Variants in TMEM45B observed in about 807,000 individuals in gnomAD.
TMEM45B encodes the protein transmembrane protein 45B.
A neutral mutation model predicts 27.3 loss-of-function variants in TMEM45B; 29 were observed. That is an observed-to-expected ratio of 1.06 (90% CI 0.79 to 1.45). The LOEUF (loss-of-function observed/expected upper bound fraction) is 1.45. TMEM45B is among the 40% of genes most tolerant of loss of function. The probability of loss-of-function intolerance (pLI) is 0.00; values close to 1 mark genes in which losing one functional copy is unlikely to be tolerated. For synonymous variants in TMEM45B, 143 were observed against 134.7 expected, an observed-to-expected ratio of 1.06 and a Z score of -0.43; for missense variants, 348 against 343.9, an observed-to-expected ratio of 1.01 and a Z score of -0.09.
Position 129,857,450 on chromosome 11 carries a change from T to C in TMEM45B, c.708T>C (p.Leu236=). 6.2e-7 allele frequency: 1 copy of C among 1,614,086 alleles called. No homozygotes were observed. The highest frequency in any genetic ancestry group is 1.7e-4 in the Middle Eastern group (1 of 6,058). Residue 236 remains leucine, a synonymous_variant, in exon 5 of 6, where the codon CTT becomes CTC. Transcript: ENST00000281441. ...ALSIVAVNYS[L]VYCLLTRMKR... ...GCATTGTGGCCGTCAACTATTCTCT[T>C]GTTTACTGGTATGTCTGAGACTTCA...
At chr11:129,849,249 G>A (rs186464031) in intron 1 of TMEM45B, among the ~76,000 whole-genome samples, 31 of 152,178 alleles carry the variant, frequency 2.0e-4, no homozygotes, top group Admixed American at 3.3e-4. Context: ...AATGAGTTGC[G>A]TACTTTGATT....
rs576878692 is a variant in TMEM45B, at chr11:129,849,809, G to A, written c.-8-2666G>A. Among the ~76,000 whole-genome samples the A allele has an allele frequency of 5.9e-5, 9 of 152,272 alleles. No individual in the cohort carries two copies. In the South Asian group the frequency reaches 1.2e-3, roughly 21 times the overall value. Reference sequence around the variant, plus strand: ...ATCTCTGAGACCCCGCAGGCGCCTGGGCCCTTCCCCTGAAACTGTTCTGCC... The same window carrying A: ...ATCTCTGAGACCCCGCAGGCGCCTGAGCCCTTCCCCTGAAACTGTTCTGCC... On this transcript the variant is annotated intron_variant, in intron 1 of 5. Transcript: ENST00000281441.
At chr11:129,833,546 G>A (rs1256035053) in intron 1 of TMEM45B, among the ~76,000 whole-genome samples, 4 of 151,538 alleles carry the variant, frequency 2.6e-5, no homozygotes, top group Non-Finnish European at 4.4e-5. Flanking sequence ...AGGCTGAGGC[G>A]GGTGGATCAC....
At position 129,852,482 on chromosome 11, in the gene TMEM45B, G is replaced by A; in HGVS notation, c.-1G>A. 2.5e-6 allele frequency: 4 copies of A among 1,589,126 alleles called. No homozygotes were observed. The highest frequency in any genetic ancestry group is 1.1e-5 in the South Asian group (1 of 89,482). On this transcript the variant is annotated 5_prime_UTR_variant, in exon 2 of 6. Coordinates refer to ENST00000281441, the MANE Select transcript of TMEM45B (RefSeq NM_138788.5). ...CTTCCCCTAATTTTTTAGGTGTCCT[G>A]ATGGCAAATTTCAAGGGCCACGCGC...
At chr11:129,855,982 G>C in intron 4 of TMEM45B, 90 bp downstream of exon 4, 1 of 1,470,146 alleles carries the variant, frequency 6.8e-7, no homozygotes, top group Non-Finnish European at 9.3e-7. Flanking sequence ...AGAATATGGG[G>C]TCTGAAAATG....
intron 1 of TMEM45B, among the ~76,000 whole-genome samples, chr11:129,849,846 A>G (rs1947818939): frequency 6.6e-6 from 1 of 152,072 alleles, no homozygotes; most frequent in Non-Finnish European, 1.5e-5. Flanking sequence ...CAAGGCTCTA[A>G]CCCTCTGGGC....
chr11:129,833,724 G>A lies in TMEM45B; in HGVS notation c.-9+17826G>A, dbSNP rs1220548499. Among the ~76,000 whole-genome samples the A allele has an allele frequency of 5.3e-5, 8 of 152,120 alleles. No individual in the cohort carries two copies. In the East Asian group the frequency reaches 7.7e-4, roughly 15 times the overall value. On this transcript the variant is annotated intron_variant, in intron 1 of 5. Transcript: ENST00000281441. Reference sequence around the variant, plus strand: ...CAGAAGGCGGAGGTTGCAGTGAGCCGAGATTGTGCCACTGCACTCCAGCCT... The same window carrying A: ...CAGAAGGCGGAGGTTGCAGTGAGCCAAGATTGTGCCACTGCACTCCAGCCT...
chr11:129,834,159 G>A (rs1454480476), intron 1 of TMEM45B, among the ~76,000 whole-genome samples: 3 of 152,134 alleles, frequency 2.0e-5, no homozygotes, highest in South Asian at 2.1e-4. Flanking sequence ...AGCCGGGCGC[G>A]GTGGCTCACG....
Position 129,854,780 on chromosome 11 carries a change from G to A in TMEM45B, c.349G>A (p.Asp117Asn). 1 of 1,614,144 alleles carries A rather than the reference G, an allele frequency of 6.2e-7. No homozygotes were observed. The highest frequency in any genetic ancestry group is 1.1e-5 in the South Asian group (1 of 91,080). Residue 117 changes from aspartate (D) to asparagine (N), a missense_variant, in exon 3 of 6, where the codon GAC (aspartate) becomes AAC (asparagine). Physicochemically the swap from Asp to Asn is conservative, Grantham distance 23. Coordinates refer to ENST00000281441, the MANE Select transcript of TMEM45B (RefSeq NM_138788.5). Reference sequence around the variant, plus strand: ...GGTCAGCCACGTTCCCTTGGGGGTGGACAGACTGGTTATGGCTGTGGCAGT... The same window carrying A: ...GGTCAGCCACGTTCCCTTGGGGGTGAACAGACTGGTTATGGCTGTGGCAGT... The part of the protein sequence containing the change: ...YLVSHVPLGV[D>N]RLVMAVAVFM...
At chr11:129,822,671 G>A (rs189733195) in intron 1 of TMEM45B, among the ~76,000 whole-genome samples, 39 of 152,222 alleles carry the variant, frequency 2.6e-4, no homozygotes, top group African/African-American at 8.9e-4. Context: ...AATGGGAAAT[G>A]TGTCCTTGAC....
intron 1 of TMEM45B, among the ~76,000 whole-genome samples, chr11:129,836,575 G>A (rs899545988): frequency 4.6e-5 from 7 of 152,138 alleles, no homozygotes; most frequent in Non-Finnish European, 8.8e-5. Context: ...GATCTTTAAA[G>A]AAGTAATTAA....
chr11:129,841,593 T>G (rs1170129249), intron 1 of TMEM45B, among the ~76,000 whole-genome samples: 3 of 63,598 alleles, frequency 4.7e-5, no homozygotes, highest in Non-Finnish European at 7.1e-5. Context: ...TGTTTTTTTG[T>G]TTTTTTTTTT....
intron 2 of TMEM45B, 158 bp downstream of exon 2, chr11:129,852,818 G>C (rs1433753285): frequency 2.8e-6 from 2 of 719,880 alleles, no homozygotes; most frequent in Non-Finnish European, 4.4e-6. Context: ...AACATCCATT[G>C]TGTACAGAGC....
intron 1 of TMEM45B, among the ~76,000 whole-genome samples, chr11:129,817,522 A>C (rs753845728): frequency 6.6e-6 from 1 of 152,172 alleles, no homozygotes; most frequent in Non-Finnish European, 1.5e-5. Flanking sequence ...CTGGCTGTGC[A>C]TTATTTGTTC....
rs1947895591 is a variant in TMEM45B, at chr11:129,854,671, C to T, written c.240C>T (p.His80=). The change falls in exon 3 of 6, where the codon CAC becomes CAT. Residue 80 remains histidine, a synonymous_variant. Transcript: ENST00000281441. The part of the protein sequence containing the change: ...GPHLHLYHEN[H]WIKLMNWQHS... The stretch of plus-strand genomic sequence containing the variant: ...ACCTGCACCTCTACCATGAGAACCA[C>T]TGGATAAAGTTAATGAATTGGCAGC... 1.9e-6 allele frequency: 3 copies of T among 1,614,102 alleles called. No individual in the cohort carries two copies. The highest frequency in any genetic ancestry group is 2.5e-6 in the Non-Finnish European group (3 of 1,180,040).
intron 1 of TMEM45B, among the ~76,000 whole-genome samples, chr11:129,849,428 T>C (rs1947813377): frequency 6.6e-6 from 1 of 152,194 alleles, no homozygotes; most frequent in East Asian, 1.9e-4. Context: ...CTGAACACAC[T>C]GGGGTGGGTG....
At chr11:129,837,585 C>CCTTTTTTTTTTTT (rs1947636610) in intron 1 of TMEM45B, among the ~76,000 whole-genome samples, 1 of 80,294 alleles carries the variant, frequency 1.2e-5, no homozygotes, top group African/African-American at 4.3e-5. Flanking sequence ...CTGCACTGGG[C>CCTTTTTTTTTTTT]TTTTTTTTTT....
intron 1 of TMEM45B, among the ~76,000 whole-genome samples, chr11:129,852,029 A>G (rs1947853303): frequency 6.6e-6 from 1 of 152,134 alleles, no homozygotes; most frequent in African/African-American, 2.4e-5. Flanking sequence ...TTTTCTTATC[A>G]ATTTGTAAAG....
At position 129,854,631 on chromosome 11, in the gene TMEM45B, T is replaced by A; in HGVS notation, c.200T>A (p.Val67Asp). ...GCAGGGATCCTGGCAGAGCAGTTTG[T>A]TCCGGATGGGCCCCACCTGCACCTC... ...SVTGILAEQF[V>D]PDGPHLHLYH... Residue 67 changes from valine (V) to aspartate (D), a missense_variant, in exon 3 of 6, where the codon GTT becomes GAT. By Grantham distance (152) the Val-to-Asp change is radical. Transcript: ENST00000281441. The A allele has an allele frequency of 6.2e-7, 1 of 1,614,208 alleles. No individual in the cohort carries two copies. Among genetic ancestry groups the A allele is most frequent in the Non-Finnish European group, 8.5e-7 (1 of 1,180,016 alleles).
Sources: gnomAD v4.1 joint callset for allele counts (sites outside exome capture counted in the v4.1 genomes callset) on GRCh38, gnomAD v4.1.1 for gene constraint, MANE v1.5 for transcripts, NCBI Gene and HGNC (gene_info 2026-07-23, HGNC 2026-07-21) for gene names.